Variants in RIC8B observed in about 807,000 individuals in gnomAD.
RIC8B encodes chaperone Ric-8B.
Under a neutral mutation model 57.5 loss-of-function variants are expected in RIC8B, and 16 were observed. That is an observed-to-expected ratio of 0.28 (90% CI 0.19 to 0.42). The LOEUF is 0.42. Ranked by LOEUF, RIC8B falls within the 10% of genes least tolerant of loss-of-function variation. RIC8B has a pLI of 1.00. For synonymous variants in RIC8B, 216 were observed against 250.8 expected, an observed-to-expected ratio of 0.86 and a Z score of 1.31; for missense variants, 481 against 677.0, an observed-to-expected ratio of 0.71 and a Z score of 3.21.
intron 3 of RIC8B, among the ~76,000 whole-genome samples, chr12:106,822,077 C>CAAAAAAAAA (rs67378158): frequency 7.9e-5 from 3 of 38,032 alleles, no homozygotes; most frequent in African/African-American, 1.2e-4. Context: ...GACTCCATCT[C>CAAAAAAAAA]AAAAAAAAAA....
At chr12:106,816,121 TTC>T (rs1320756486) in intron 3 of RIC8B, among the ~76,000 whole-genome samples, 1 of 152,190 alleles carries the variant, frequency 6.6e-6, no homozygotes, top group Admixed American at 6.5e-5. Context: ...GTCACATTTA[TTC>T]TCTTTTTAGC....
At chr12:106,826,563 G>A (rs2046108540) in intron 4 of RIC8B, among the ~76,000 whole-genome samples, 1 of 152,064 alleles carries the variant, frequency 6.6e-6, no homozygotes, top group Non-Finnish European at 1.5e-5. Context: ...AGACCAGCCT[G>A]GCCAACATGG....
intron 2 of RIC8B, among the ~76,000 whole-genome samples, chr12:106,786,779 G>A (rs1214218321): frequency 6.6e-6 from 1 of 151,812 alleles, no homozygotes; most frequent in African/African-American, 2.4e-5. Flanking sequence ...TGCTGTATGT[G>A]CTAATGAGAG....
At chr12:106,854,538 A>G (rs1020745974) in intron 7 of RIC8B, among the ~76,000 whole-genome samples, 21 of 152,128 alleles carry the variant, frequency 1.4e-4, no homozygotes, top group Non-Finnish European at 2.6e-4. Flanking sequence ...CATGCCTGTA[A>G]TCCCAGCACT....
Position 106,886,201 on chromosome 12 carries a change from T to C in RIC8B, c.*186T>C. On this transcript the variant is annotated 3_prime_UTR_variant, in exon 10 of 10. Coordinates refer to ENST00000392837, the MANE Select transcript of RIC8B (RefSeq NM_001330145.2). ...GTTTTTTGTGATATTGAGGCATTCATACAGAGCTGCAGTTAGACGGGGTTA... is the reference window on the plus strand; with the variant it reads ...GTTTTTTGTGATATTGAGGCATTCACACAGAGCTGCAGTTAGACGGGGTTA... The C allele has an allele frequency of 1.8e-6, 1 of 559,978 alleles. No individual in the cohort carries two copies. 34.7% of individuals were successfully genotyped at this position (559,978 alleles called of 1,614,324 possible). A position where few individuals can be genotyped will look rare whatever the true frequency, so the allele number is the denominator to read the frequency against.
chr12:106,785,653 C>T (rs2043968961), intron 2 of RIC8B, among the ~76,000 whole-genome samples: 1 of 151,986 alleles, frequency 6.6e-6, no homozygotes. Context: ...ACTAGAATAC[C>T]TTTTTAGAAC....
intron 2 of RIC8B, among the ~76,000 whole-genome samples, chr12:106,789,062 C>T (rs901271766): frequency 6.6e-6 from 1 of 152,206 alleles, no homozygotes; most frequent in Non-Finnish European, 1.5e-5. Flanking sequence ...TTAGAAATTT[C>T]TCCTGCCAGA....
At chr12:106,816,010 C>T (rs184376617) in intron 3 of RIC8B, among the ~76,000 whole-genome samples, 4 of 152,108 alleles carry the variant, frequency 2.6e-5, no homozygotes, top group Admixed American at 2.6e-4. Flanking sequence ...ATTTGAGTAC[C>T]CACAAGAACA....
intron 8 of RIC8B, among the ~76,000 whole-genome samples, chr12:106,860,626 G>T (rs149017374): frequency 6.6e-6 from 1 of 152,072 alleles, no homozygotes; most frequent in African/African-American, 2.4e-5. Context: ...TATTTTCAAC[G>T]TACTTATTAT....
At chr12:106,885,793 G>T (rs1237271242) in intron 9 of RIC8B, 111 bp from the exon 10 acceptor site, 2 of 593,506 alleles carry the variant, frequency 3.4e-6, no homozygotes, top group African/African-American at 3.1e-5. Context: ...AAATACTTTG[G>T]TTTTTAAAGA....
At chr12:106,832,347 C>G (rs957705768) in intron 4 of RIC8B, among the ~76,000 whole-genome samples, 1 of 152,090 alleles carries the variant, frequency 6.6e-6, no homozygotes, top group Non-Finnish European at 1.5e-5. Context: ...GCGGGTGGAT[C>G]GCCTGAGGTC....
At chr12:106,812,138 T>C (rs1026244463) in intron 2 of RIC8B, among the ~76,000 whole-genome samples, 1 of 152,182 alleles carries the variant, frequency 6.6e-6, no homozygotes, top group African/African-American at 2.4e-5. Context: ...GGCAAAAAGC[T>C]GTGCAACAGT....
Position 106,825,826 on chromosome 12 carries a change from T to C in RIC8B, c.836+6T>C, listed in dbSNP as rs2046072209. 2 of 1,579,086 alleles carry C rather than the reference T, an allele frequency of 1.3e-6. No individual in the cohort carries two copies. The highest frequency in any genetic ancestry group is 1.7e-6 in the Non-Finnish European group (2 of 1,148,206). ...AAAACAGAAGAGCTACACAGGTGGG[T>C]AAGCTCTGTATTGATATCCCAATGA... On this transcript the variant is annotated splice_donor_region_variant and intron_variant, in intron 4 of 9. Coordinates refer to ENST00000392837, the MANE Select transcript of RIC8B (RefSeq NM_001330145.2).
intron 4 of RIC8B, among the ~76,000 whole-genome samples, chr12:106,828,476 TGAAA>T (rs1213721742): frequency 6.6e-6 from 1 of 152,254 alleles, no homozygotes; most frequent in Non-Finnish European, 1.5e-5. Flanking sequence ...ATTCCATTTT[TGAAA>T]GTTATTTTCT....
chr12:106,885,111 A>G (rs1462584735), intron 9 of RIC8B, among the ~76,000 whole-genome samples: 2 of 152,232 alleles, frequency 1.3e-5, no homozygotes, highest in Admixed American at 6.5e-5. Flanking sequence ...AGAGCCTATG[A>G]AAAGATTAAA....
At position 106,881,647 on chromosome 12, in the gene RIC8B, C is replaced by T. The variant is rs189798881; in HGVS notation, c.1572-4257C>T. ...CATTCTCTGTCCACATCTTGCTGAT[C>T]TAGATACAACAGATTGCAAATGAAA... On this transcript the variant is annotated intron_variant, in intron 9 of 9. Transcript: ENST00000392837. Among the ~76,000 whole-genome samples, 41 of 152,196 alleles carry T rather than the reference C, an allele frequency of 2.7e-4. No homozygotes were observed. The East Asian group carries it at 6.8e-3, about 25-fold the overall frequency.
intron 1 of RIC8B, among the ~76,000 whole-genome samples, chr12:106,775,108 C>G (rs2043396508): frequency 6.6e-6 from 1 of 152,168 alleles, no homozygotes. Flanking sequence ...CCCCGGAATC[C>G]GTAGATGTGC....
intron 5 of RIC8B, among the ~76,000 whole-genome samples, chr12:106,843,325 T>A (rs2136423679): frequency 6.6e-6 from 1 of 152,286 alleles, no homozygotes; most frequent in Non-Finnish European, 1.5e-5. Flanking sequence ...AAAATTTTGC[T>A]TCATTCAAGC....
At chr12:106,776,145 C>T (rs915272068) in intron 1 of RIC8B, among the ~76,000 whole-genome samples, 5 of 152,188 alleles carry the variant, frequency 3.3e-5, no homozygotes, top group Non-Finnish European at 5.9e-5. Context: ...TTTGAATTTA[C>T]GTTGTCCAAC....
Sources: gnomAD v4.1 joint callset for allele counts (sites outside exome capture counted in the v4.1 genomes callset) on GRCh38, gnomAD v4.1.1 for gene constraint, MANE v1.5 for transcripts, NCBI Gene and HGNC (gene_info 2026-07-23, HGNC 2026-07-21) for gene names.